The following IL1RAPL1 variants were observed in gnomAD, a reference collection of about 807,000 sequenced individuals.
IL1RAPL1 encodes interleukin-1 receptor accessory protein-like 1.
Under a neutral mutation model 48.4 loss-of-function variants are expected in IL1RAPL1, and 3 were observed. That is an observed-to-expected ratio of 0.06 (90% CI 0.03 to 0.16). The LOEUF (loss-of-function observed/expected upper bound fraction) is 0.16, where lower values mean the gene tolerates loss of function less well. Ranked by LOEUF, IL1RAPL1 falls within the 10% of genes least tolerant of loss-of-function variation. The probability of loss-of-function intolerance (pLI) is 1.00; values close to 1 mark genes in which losing one functional copy is unlikely to be tolerated. For synonymous variants in IL1RAPL1, 185 were observed against 187.7 expected, an observed-to-expected ratio of 0.99 and a Z score of 0.12; for missense variants, 349 against 530.6, an observed-to-expected ratio of 0.66 and a Z score of 3.36.
intron 6 of IL1RAPL1, among the ~76,000 whole-genome samples, chrX:29,695,892 T>A (rs1926900561): frequency 9.0e-6 from 1 of 111,571 alleles, no homozygotes; most frequent in African/African-American, 3.3e-5. Flanking sequence ...TATTGCTAAA[T>A]CATGACCACA....
chrX:29,822,741 T>C (rs2147183889), intron 6 of IL1RAPL1, among the ~76,000 whole-genome samples: 1 of 111,501 alleles, frequency 9.0e-6, no homozygotes, highest in East Asian at 2.8e-4. Flanking sequence ...AAAACATTGC[T>C]TTAAAAGCTG....
intron 5 of IL1RAPL1, among the ~76,000 whole-genome samples, chrX:29,524,070 A>G (rs1420386821): frequency 9.0e-6 from 1 of 110,722 alleles, no homozygotes; most frequent in African/African-American, 3.3e-5. Flanking sequence ...AATATTATAT[A>G]ATCTATTGCA....
intron 6 of IL1RAPL1, among the ~76,000 whole-genome samples, chrX:29,701,231 T>A (rs975747336): frequency 8.9e-6 from 1 of 112,071 alleles, no homozygotes; most frequent in African/African-American, 3.2e-5. Context: ...TTTCAAAATG[T>A]GGCAGTGTGT....
intron 5 of IL1RAPL1, among the ~76,000 whole-genome samples, chrX:29,404,511 C>T (rs1360510074): frequency 1.8e-5 from 2 of 111,338 alleles, no homozygotes; most frequent in East Asian, 2.8e-4. Flanking sequence ...CTTCAAAAAA[C>T]GCTGTGTAGT....
At chrX:29,370,725 G>A (rs1393199245) in intron 3 of IL1RAPL1, among the ~76,000 whole-genome samples, 3 of 109,223 alleles carry the variant, frequency 2.7e-5, no homozygotes, top group Non-Finnish European at 3.8e-5. Context: ...AGGAAAATTA[G>A]GTCAAAATAA....
chrX:29,641,135 C>T (rs774315833), intron 5 of IL1RAPL1, among the ~76,000 whole-genome samples: 4 of 112,021 alleles, frequency 3.6e-5, no homozygotes, highest in Non-Finnish European at 5.6e-5. Flanking sequence ...CGCGCCACTG[C>T]GCTCCAGCCT....
intron 6 of IL1RAPL1, among the ~76,000 whole-genome samples, chrX:29,816,254 C>T (rs1048534026): frequency 1.8e-5 from 2 of 110,711 alleles, no homozygotes; most frequent in African/African-American, 6.6e-5. Context: ...ATAACAAATC[C>T]CACAGAAATA....
intron 1 of IL1RAPL1, among the ~76,000 whole-genome samples, chrX:28,704,053 G>C (rs967199826): frequency 4.5e-5 from 5 of 111,449 alleles, no homozygotes; most frequent in Admixed American, 3.8e-4. Context: ...CAATTATTAT[G>C]ATCAATTCTT....
chrX:29,345,318 A>G (rs1220798719), intron 3 of IL1RAPL1, among the ~76,000 whole-genome samples: 1 of 111,510 alleles, frequency 9.0e-6, no homozygotes, highest in Non-Finnish European at 1.9e-5. Flanking sequence ...CAGCCCCTCT[A>G]TCTTTTGGAA....
chrX:28,925,918 T>G (rs1465497888), intron 2 of IL1RAPL1, among the ~76,000 whole-genome samples: 2 of 111,237 alleles, frequency 1.8e-5, no homozygotes, highest in African/African-American at 6.5e-5. Flanking sequence ...AGACTCTGTC[T>G]CACACACACA....
At chrX:29,405,977 A>G (rs972199534) in intron 5 of IL1RAPL1, among the ~76,000 whole-genome samples, 1 of 111,755 alleles carries the variant, frequency 8.9e-6, no homozygotes, top group East Asian at 2.8e-4. Context: ...GTCAGTTGAT[A>G]AAGTTCTACT....
intron 6 of IL1RAPL1, among the ~76,000 whole-genome samples, chrX:29,894,557 G>A (rs1265556936): frequency 9.0e-6 from 1 of 111,280 alleles, no homozygotes; most frequent in Non-Finnish European, 1.9e-5. Flanking sequence ...TGTTTGTTTT[G>A]ACAAACTCTA....
At chrX:29,567,839 G>A (rs1290409760) in intron 5 of IL1RAPL1, among the ~76,000 whole-genome samples, 1 of 111,074 alleles carries the variant, frequency 9.0e-6, no homozygotes, top group Non-Finnish European at 1.9e-5. Flanking sequence ...TTGAAGTTTT[G>A]TTTGGCAGAC....
At chrX:29,110,701 G>A (rs1393420903) in intron 2 of IL1RAPL1, among the ~76,000 whole-genome samples, 1 of 111,727 alleles carries the variant, frequency 9.0e-6, no homozygotes, top group East Asian at 2.8e-4. Flanking sequence ...TTTTTTGAGT[G>A]CTGCCGAATG....
chrX:29,523,321 C>T (rs920642891), intron 5 of IL1RAPL1, among the ~76,000 whole-genome samples: 8 of 110,982 alleles, frequency 7.2e-5, no homozygotes, highest in Admixed American at 3.9e-4. Context: ...GAAAAATATC[C>T]TCTAATATTT....
intron 6 of IL1RAPL1, among the ~76,000 whole-genome samples, chrX:29,781,362 G>A (rs187892110): frequency 1.8e-5 from 2 of 111,513 alleles, no homozygotes; most frequent in East Asian, 5.6e-4. Flanking sequence ...CTCCCCAGGT[G>A]CAAATAGGGG....
chrX:29,102,771 TC>T (rs1245493003), intron 2 of IL1RAPL1, among the ~76,000 whole-genome samples: 1 of 111,535 alleles, frequency 9.0e-6, no homozygotes, highest in Non-Finnish European at 1.9e-5. Flanking sequence ...ATAAACAAAT[TC>T]AGTAAAGTTG....
intron 5 of IL1RAPL1, among the ~76,000 whole-genome samples, chrX:29,494,192 C>T (rs1192910273): frequency 8.9e-6 from 1 of 111,805 alleles, no homozygotes; most frequent in Non-Finnish European, 1.9e-5. Context: ...TAAGCCACCG[C>T]GTCCGGCTGC....
intron 2 of IL1RAPL1, among the ~76,000 whole-genome samples, chrX:28,805,045 G>A (rs1275616373): frequency 9.0e-6 from 1 of 110,651 alleles, no homozygotes; most frequent in Non-Finnish European, 1.9e-5. Flanking sequence ...AACCATTGAA[G>A]AAATTGCAGC....
Sources: allele counts gnomAD v4.1 joint callset (sites outside exome capture counted in the v4.1 genomes callset), GRCh38; gene constraint gnomAD v4.1.1; transcripts MANE v1.5; gene names NCBI Gene and HGNC (gene_info 2026-07-23, HGNC 2026-07-21).